Variants in AKAP12 observed in about 807,000 individuals in gnomAD.
The protein encoded by AKAP12 is A-kinase anchoring protein 12.
A neutral mutation model predicts 79.9 loss-of-function variants in AKAP12; 32 were observed. The ratio of observed to expected loss-of-function variants is 0.40; its 90% CI spans 0.30 to 0.54. The LOEUF (loss-of-function observed/expected upper bound fraction) is 0.54. Ranked by LOEUF, AKAP12 falls within the 20% of genes least tolerant of loss-of-function variation. AKAP12 has a pLI of 0.48. For synonymous variants in AKAP12, 808 were observed against 857.0 expected (o/e 0.94, Z 1.00); for missense variants, 2,074 against 2,177.0 (o/e 0.95, Z 0.94).
At chr6:151,328,068 C>T (rs1777572506) in intron 3 of AKAP12, among the ~76,000 whole-genome samples, 1 of 152,310 alleles carries the variant, frequency 6.6e-6, no homozygotes, top group Non-Finnish European at 1.5e-5. Flanking sequence ...TGGCTCACGC[C>T]TGTAATCCCA....
chr6:151,325,749 C>T (rs944826980), intron 3 of AKAP12: 20 of 1,580,232 alleles, frequency 1.3e-5, no homozygotes, highest in Middle Eastern at 1.7e-4. Flanking sequence ...GCGCTCAGTC[C>T]GCTCTGATCC....
At chr6:151,282,752 T>C (rs1776434448) in intron 2 of AKAP12, among the ~76,000 whole-genome samples, 2 of 152,176 alleles carry the variant, frequency 1.3e-5, no homozygotes, top group Non-Finnish European at 2.9e-5. Context: ...TGTCTATTGG[T>C]TGAATAATGT....
At chr6:151,301,396 C>T (rs1041798468) in intron 2 of AKAP12, among the ~76,000 whole-genome samples, 1 of 152,212 alleles carries the variant, frequency 6.6e-6, no homozygotes, top group South Asian at 2.1e-4. Context: ...TATATACACA[C>T]GTAGAAAACA....
At chr6:151,298,562 T>G (rs544125897) in intron 2 of AKAP12, among the ~76,000 whole-genome samples, 1 of 152,164 alleles carries the variant, frequency 6.6e-6, no homozygotes, top group Admixed American at 6.5e-5. Context: ...GGGAAGCCAA[T>G]GCGGGTGGAT....
At chr6:151,334,383 C>T (rs938003799) in intron 3 of AKAP12, among the ~76,000 whole-genome samples, 3 of 152,000 alleles carry the variant, frequency 2.0e-5, no homozygotes, top group African/African-American at 7.2e-5. Context: ...CACCTGAGGT[C>T]AGGAGTTCGA....
intron 2 of AKAP12, among the ~76,000 whole-genome samples, chr6:151,299,284 C>T (rs2114747189): frequency 6.6e-6 from 1 of 152,244 alleles, no homozygotes; most frequent in Non-Finnish European, 1.5e-5. Flanking sequence ...GATTTATGAA[C>T]CCTGGCAAGC....
At chr6:151,260,325 A>G (rs561128460) in intron 2 of AKAP12, among the ~76,000 whole-genome samples, 1 of 152,284 alleles carries the variant, frequency 6.6e-6, no homozygotes, top group East Asian at 1.9e-4. Context: ...CTTGAGTTCA[A>G]TGCTAGAGGT....
Position 151,357,713 on chromosome 6 carries a change from T to G in AKAP12, c.*1999T>G, listed in dbSNP as rs1348026622. On this transcript the variant is annotated 3_prime_UTR_variant, in exon 5 of 5. Transcript: ENST00000402676. Reference sequence around the variant, plus strand: ...AACCTCTGATATATATATATAATTTTTTTTTTTTTTTTTTTTTGGCCAACT... The same window carrying G: ...AACCTCTGATATATATATATAATTTGTTTTTTTTTTTTTTTTTGGCCAACT... The G allele has an allele frequency of 6.9e-6, 1 of 145,394 alleles. No individual in the cohort carries two copies. Among genetic ancestry groups the G allele is most frequent in the Non-Finnish European group, 1.5e-5 (1 of 65,490 alleles). The allele number at this position is 145,394 out of a possible 1,614,324, so 9.0% of individuals were successfully genotyped here. A position where few individuals can be genotyped will look rare whatever the true frequency, so the allele number is the denominator to read the frequency against.
chr6:151,297,894 C>T (rs1199309957), intron 2 of AKAP12, among the ~76,000 whole-genome samples: 2 of 152,108 alleles, frequency 1.3e-5, no homozygotes, highest in Non-Finnish European at 1.5e-5. Context: ...TGGGATAGCA[C>T]GTGGACCTTG....
intron 2 of AKAP12, among the ~76,000 whole-genome samples, chr6:151,286,937 T>C (rs748476536): frequency 2.0e-5 from 3 of 152,044 alleles, no homozygotes; most frequent in African/African-American, 7.2e-5. Flanking sequence ...TATTTTCTTT[T>C]TCTTTCTTTT....
intron 3 of AKAP12, among the ~76,000 whole-genome samples, chr6:151,345,838 C>A: frequency 1.4e-5 from 2 of 140,532 alleles, no homozygotes; most frequent in Admixed American, 7.2e-5. Context: ...ACAAGCAAAA[C>A]TAAAATAAAT....
chr6:151,304,690 C>A (rs1371412546), intron 2 of AKAP12, among the ~76,000 whole-genome samples: 2 of 151,684 alleles, frequency 1.3e-5, no homozygotes, highest in African/African-American at 4.8e-5. Flanking sequence ...GATTCTCCTT[C>A]TGCAGCCTCC....
chr6:151,320,992 C>CTT (rs549558966), intron 3 of AKAP12, among the ~76,000 whole-genome samples: 3 of 145,808 alleles, frequency 2.1e-5, no homozygotes, highest in Non-Finnish European at 4.5e-5. Flanking sequence ...TTCTTTCTTT[C>CTT]TTTTTTTTTT....
chr6:151,301,160 C>T (rs977158788), intron 2 of AKAP12, among the ~76,000 whole-genome samples: 20 of 152,158 alleles, frequency 1.3e-4, no homozygotes, highest in African/African-American at 4.3e-4. Flanking sequence ...GCCTCCTGTC[C>T]CATGTGCCAC....
At chr6:151,248,267 ATTT>A (rs112053514) in intron 2 of AKAP12, among the ~76,000 whole-genome samples, 7 of 140,794 alleles carry the variant, frequency 5.0e-5, no homozygotes, top group African/African-American at 7.9e-5. Flanking sequence ...GGATTCTGTG[ATTT>A]TTTTTTTTTT....
intron 2 of AKAP12, among the ~76,000 whole-genome samples, chr6:151,304,170 T>A (rs1340910278): frequency 6.6e-6 from 1 of 152,146 alleles, no homozygotes; most frequent in Non-Finnish European, 1.5e-5. Context: ...AAAATTTTTT[T>A]ACCTATATTC....
At chr6:151,287,325 T>TCATGGCTCACTGTACTCCA (rs1228115544) in intron 2 of AKAP12, among the ~76,000 whole-genome samples, 1 of 152,220 alleles carries the variant, frequency 6.6e-6, no homozygotes, top group East Asian at 1.9e-4. Flanking sequence ...AGTGGCACAA[T>TCATGGCTCACTGTACTCCA]CATGGCTCAC....
chr6:151,355,261 T>A (rs2114836699), intron 4 of AKAP12, among the ~76,000 whole-genome samples: 1 of 152,074 alleles, frequency 6.6e-6, no homozygotes, highest in South Asian at 2.1e-4. Context: ...AGTGCTGGGA[T>A]TACAGGCATG....
Position 151,350,302 on chromosome 6 carries a change from G to A in AKAP12, c.1911G>A (p.Lys637=), listed in dbSNP as rs143973776. 1.0e-4 allele frequency: 164 copies of A among 1,613,982 alleles called. No homozygotes were observed. The African/African-American group carries it at 2.0e-3, about 20-fold the overall frequency. ...SESDKEDELD[K]VKSATLSSTE... is the part of the protein sequence containing the mutation. Reference sequence around the variant, plus strand: ...GTGATAAAGAAGATGAGCTGGACAAGGTCAAGAGCGCTACCTTGTCTTCCA... The same window carrying A: ...GTGATAAAGAAGATGAGCTGGACAAAGTCAAGAGCGCTACCTTGTCTTCCA... The change falls in exon 4 of 5, where the codon AAG becomes AAA. Residue 637 remains lysine (K), a synonymous_variant. Transcript: ENST00000402676. The surrounding 1 kb of genome is among the most constrained non-coding windows in gnomAD (Gnocchi z 4.8).
Sources: allele counts gnomAD v4.1 joint callset (sites outside exome capture counted in the v4.1 genomes callset), GRCh38; gene constraint gnomAD v4.1.1; non-coding constraint Gnocchi (gnomAD v3.1); transcripts MANE v1.5; gene names NCBI Gene and HGNC (gene_info 2026-07-23, HGNC 2026-07-21).